The following SPTBN1 variants were observed in gnomAD, a reference collection of about 807,000 sequenced individuals.
SPTBN1 encodes spectrin beta, non-erythrocytic 1.
Under a neutral mutation model 266.4 loss-of-function variants are expected in SPTBN1, and 32 were observed. The ratio of observed to expected loss-of-function variants is 0.12; its 90% CI spans 0.09 to 0.16. SPTBN1 has a LOEUF of 0.16. SPTBN1 is among the 10% of genes least tolerant of loss of function. SPTBN1 has a pLI of 1.00. For synonymous variants in SPTBN1, 1,336 were observed against 1,162.2 expected, an observed-to-expected ratio of 1.15 and a Z score of -3.04; for missense variants, 2,296 against 3,067.1, an observed-to-expected ratio of 0.75 and a Z score of 5.94.
intron 4 of SPTBN1, among the ~76,000 whole-genome samples, chr2:54,614,832 G>T (rs76061188): frequency 0.026 from 3,983 of 152,154 alleles, 177 homozygotes; most frequent in African/African-American, 0.088. Flanking sequence ...TGAGAAACTG[G>T]AGTGGAAGTC....
chr2:54,636,601 CCAAGCTG>C (rs2103980477), intron 17 of SPTBN1, among the ~76,000 whole-genome samples: 1 of 152,344 alleles, frequency 6.6e-6, no homozygotes, highest in Admixed American at 6.5e-5. Flanking sequence ...CACGTGTTCA[CCAAGCTG>C]CTCTTACTCA....
At chr2:54,606,542 A>G (rs1434969902) in intron 3 of SPTBN1, among the ~76,000 whole-genome samples, 1 of 152,206 alleles carries the variant, frequency 6.6e-6, no homozygotes, top group Non-Finnish European at 1.5e-5. Flanking sequence ...GAGGCAGTTA[A>G]TCCCCATCCC....
rs1439132993 is a variant in SPTBN1 at position 54,533,920 on chromosome 2, A to ACG, written c.148+7355_148+7356insGC. On this transcript the variant is annotated intron_variant, in intron 2 of 35. Coordinates refer to ENST00000356805, the MANE Select transcript of SPTBN1 (RefSeq NM_003128.3). The surrounding 1 kb of genome is among the most constrained non-coding windows in gnomAD (Gnocchi z 4.2). ...CTCTCTCACACACACACACACACAC[A>ACG]CACACACGCACGCACGCACACAAAC... Among the ~76,000 whole-genome samples, 3 of 134,428 alleles carry ACG rather than the reference A, an allele frequency of 2.2e-5. No homozygotes were observed. Among genetic ancestry groups the ACG allele is most frequent in the Admixed American group, 1.4e-4 (2 of 14,056 alleles). The allele number at this position is 134,428 out of a possible 152,430, so 88.2% of individuals were successfully genotyped here.
Position 54,645,575 on chromosome 2 carries a change from G to C in SPTBN1, c.4494+122G>C, listed in dbSNP as rs1029155587. On this transcript the variant is annotated intron_variant, in intron 21 of 35. Transcript: ENST00000356805. The surrounding 1 kb of genome is among the most constrained non-coding windows in gnomAD (Gnocchi z 4.3). ...CACGTTGGCAAGCTGAGCTGCCAAAGTCCACGCTCTGGATGGTCTAAAGTT... is the reference window on the plus strand; with the variant it reads ...CACGTTGGCAAGCTGAGCTGCCAAACTCCACGCTCTGGATGGTCTAAAGTT... 1 of 998,404 alleles carries C rather than the reference G, an allele frequency of 1.0e-6. No homozygotes were observed. The highest frequency in any genetic ancestry group is 1.5e-6 in the Non-Finnish European group (1 of 676,344). 61.8% of individuals were successfully genotyped at this position (998,404 alleles called of 1,614,324 possible).
chr2:54,636,902 A>G (rs145132365), intron 17 of SPTBN1, among the ~76,000 whole-genome samples: 2,106 of 152,282 alleles, frequency 0.014, 25 homozygotes, highest in Non-Finnish European at 0.022. Flanking sequence ...GCTCTCCGCT[A>G]TTGTAGTGGA....
chr2:54,567,962 G>C (rs749267020), intron 2 of SPTBN1, among the ~76,000 whole-genome samples: 1 of 152,168 alleles, frequency 6.6e-6, no homozygotes, highest in Admixed American at 6.5e-5. Context: ...TTGTTATTCA[G>C]TATAGATAGA....
At chr2:54,465,637 CTCATATAT>C (rs779864963) in intron 1 of SPTBN1, among the ~76,000 whole-genome samples, 1,066 of 89,740 alleles carry the variant, frequency 0.012, 47 homozygotes, top group Non-Finnish European at 0.013. Flanking sequence ...TCATGTTTAT[CTCATATAT>C]ATATATATAT....
In SPTBN1 at chr2:54,655,483, C is replaced by T. The variant is rs1030505024; in HGVS notation, c.5961+275C>T. Among the ~76,000 whole-genome samples the T allele has an allele frequency of 3.9e-5, 6 of 152,348 alleles. 2 individuals carry two copies. Among genetic ancestry groups the T allele is most frequent in the Admixed American group, 3.3e-4 (5 of 15,308 alleles). ...TACTCTTTCTAGGTGACGCCAATGT[C>T]CATTGACTATGCCCTAGATCAGTTT... is the stretch of plus-strand genomic sequence containing the variant. On this transcript the variant is annotated intron_variant, in intron 28 of 35. Coordinates refer to ENST00000356805, the MANE Select transcript of SPTBN1 (RefSeq NM_003128.3).
intron 29 of SPTBN1, among the ~76,000 whole-genome samples, chr2:54,656,742 T>A (rs564320240): frequency 1.5e-3 from 229 of 152,328 alleles, no homozygotes; most frequent in Non-Finnish European, 2.7e-3. Context: ...GACGGCACAC[T>A]CTGTTGGGCC....
chr2:54,496,670 C>G (rs1287344756), intron 1 of SPTBN1, among the ~76,000 whole-genome samples: 4 of 152,266 alleles, frequency 2.6e-5, no homozygotes, highest in Non-Finnish European at 5.9e-5. Context: ...GAAAACATAT[C>G]CATCATCACT....
intron 1 of SPTBN1, among the ~76,000 whole-genome samples, chr2:54,459,467 A>C (rs146999476): frequency 1.3e-5 from 2 of 152,240 alleles, no homozygotes; most frequent in Non-Finnish European, 2.9e-5. Context: ...ATGTGGAAGT[A>C]CTATTTTGAC....
At chr2:54,658,151 T>C (rs1273013706) in intron 30 of SPTBN1, 105 bp downstream of exon 30, 1 of 1,433,292 alleles carries the variant, frequency 7.0e-7, no homozygotes, top group Admixed American at 2.2e-5. Context: ...TTTTGTTTTT[T>C]GGGTTTTTTT....
At position 54,666,107 on chromosome 2, in the gene SPTBN1, C is replaced by T. The variant is rs1681349280; in HGVS notation, c.6833+19C>T. ...AGCTAAGGTGAGAGTCGCCGTGCTT[C>T]ATGGCTGCCAGAGTGGGTTTGCATT... On this transcript the variant is annotated intron_variant, in intron 34 of 35. Coordinates refer to ENST00000356805, the MANE Select transcript of SPTBN1 (RefSeq NM_003128.3). The T allele has an allele frequency of 6.3e-7, 1 of 1,596,594 alleles. No homozygotes were observed. Among genetic ancestry groups the T allele is most frequent in the African/African-American group, 1.4e-5 (1 of 74,044 alleles).
chr2:54,624,543 T>G (rs181528626), intron 10 of SPTBN1, among the ~76,000 whole-genome samples: 1 of 152,342 alleles, frequency 6.6e-6, no homozygotes, highest in East Asian at 1.9e-4. Flanking sequence ...TTATATTGCT[T>G]CATAGCTACA....
At chr2:54,565,427 G>A (rs931997784) in intron 2 of SPTBN1, among the ~76,000 whole-genome samples, 1 of 152,178 alleles carries the variant, frequency 6.6e-6, no homozygotes, top group African/African-American at 2.4e-5. Context: ...ATCTGTCTCA[G>A]CCACCTCTTC....
intron 1 of SPTBN1, among the ~76,000 whole-genome samples, chr2:54,478,384 T>C (rs1667946082): frequency 6.6e-6 from 1 of 152,182 alleles, no homozygotes; most frequent in African/African-American, 2.4e-5. Flanking sequence ...TGGGCCACCC[T>C]CTGGACCTGG....
At chr2:54,465,609 A>G (rs1207867643) in intron 1 of SPTBN1, among the ~76,000 whole-genome samples, 3 of 142,714 alleles carry the variant, frequency 2.1e-5, no homozygotes, top group Admixed American at 7.4e-5. Flanking sequence ...GTATATATAC[A>G]TATATGATGC....
chr2:54,555,634 C>G (rs971474605), intron 2 of SPTBN1, among the ~76,000 whole-genome samples: 3 of 152,198 alleles, frequency 2.0e-5, no homozygotes, highest in Non-Finnish European at 2.9e-5. Flanking sequence ...AGCCCACACC[C>G]TCTACTCCCC....
Position 54,552,788 on chromosome 2 carries a change from G to C in SPTBN1, c.148+26222G>C, listed in dbSNP as rs116838527. Among the ~76,000 whole-genome samples, 359 of 152,342 alleles carry C rather than the reference G, an allele frequency of 2.4e-3. 2 individuals carry two copies. The highest frequency in any genetic ancestry group is 8.2e-3 in the African/African-American group (339 of 41,566). On this transcript the variant is annotated intron_variant, in intron 2 of 35. Transcript: ENST00000356805. The stretch of plus-strand genomic sequence containing the variant: ...GCTTTTAACCACTTTTTCTCCTGTA[G>C]CTTCACATGTCCAAGCCCTGATTCA...
Sources: allele counts gnomAD v4.1 joint callset (sites outside exome capture counted in the v4.1 genomes callset), GRCh38; gene constraint gnomAD v4.1.1; non-coding constraint Gnocchi (gnomAD v3.1); transcripts MANE v1.5; gene names NCBI Gene and HGNC (gene_info 2026-07-23, HGNC 2026-07-21).